Variants in RBFOX1 observed in about 807,000 individuals in gnomAD.
RBFOX1 encodes RNA binding protein fox-1 homolog 1.
Under a neutral mutation model 57.7 loss-of-function variants are expected in RBFOX1, and 8 were observed. That is an observed-to-expected ratio of 0.14 (90% CI 0.08 to 0.25). The LOEUF is 0.25. Ranked by LOEUF, RBFOX1 falls within the 10% of genes least tolerant of loss-of-function variation. The probability of loss-of-function intolerance (pLI) is 1.00; values close to 1 mark genes in which losing one functional copy is unlikely to be tolerated. For missense variants in RBFOX1, 611 were observed against 548.5 expected, an observed-to-expected ratio of 1.11 and a Z score of -1.14; for synonymous variants, 326 against 222.4, an observed-to-expected ratio of 1.47 and a Z score of -4.15.
At chr16:7,491,434 G>T (rs1379319963) in intron 4 of RBFOX1, among the ~76,000 whole-genome samples, 2 of 151,402 alleles carry the variant, frequency 1.3e-5, no homozygotes, top group Admixed American at 6.6e-5. Context: ...AGCAGCCTGG[G>T]AAGGCAGGAC....
chr16:7,198,470 A>G (rs1016872161), intron 4 of RBFOX1, among the ~76,000 whole-genome samples: 8 of 152,234 alleles, frequency 5.3e-5, no homozygotes, highest in African/African-American at 1.9e-4. Context: ...AAGAGATAAA[A>G]TCAAAAACAG....
intron 1 of RBFOX1, among the ~76,000 whole-genome samples, chr16:6,135,525 C>G (rs1320043754): frequency 3.9e-5 from 6 of 151,982 alleles, no homozygotes; most frequent in Non-Finnish European, 8.8e-5. Context: ...TCAACAGGGT[C>G]AGGTGTGAAT....
At chr16:6,116,158 C>G (rs1006625569) in intron 1 of RBFOX1, among the ~76,000 whole-genome samples, 2 of 151,834 alleles carry the variant, frequency 1.3e-5, no homozygotes, top group African/African-American at 4.8e-5. Context: ...TCTCAGCAAA[C>G]TAACACAGGA....
At chr16:7,023,586 A>AAAAAAAAAAAAAAAAG (rs2039976826) in intron 3 of RBFOX1, among the ~76,000 whole-genome samples, 2 of 149,508 alleles carry the variant, frequency 1.3e-5, no homozygotes, top group East Asian at 3.9e-4. Flanking sequence ...AAAAAAAAAA[A>AAAAAAAAAAAAAAAAG]AAAAAAAATT....
chr16:6,826,487 C>T (rs2092153847), intron 3 of RBFOX1, among the ~76,000 whole-genome samples: 1 of 152,168 alleles, frequency 6.6e-6, no homozygotes, highest in Admixed American at 6.5e-5. Flanking sequence ...TAACCTAGAA[C>T]AGTGCCTGGT....
At chr16:7,287,483 G>T (rs1288997196) in intron 4 of RBFOX1, among the ~76,000 whole-genome samples, 3 of 152,150 alleles carry the variant, frequency 2.0e-5, no homozygotes, top group Non-Finnish European at 4.4e-5. Context: ...ATCCTTGGTG[G>T]ACCAAGCCTG....
intron 4 of RBFOX1, among the ~76,000 whole-genome samples, chr16:7,123,915 G>A (rs1435359727): frequency 6.6e-6 from 1 of 152,164 alleles, no homozygotes; most frequent in Non-Finnish European, 1.5e-5. Context: ...GAAGAGAAAG[G>A]AGAGAGGGAA....
chr16:5,253,714 A>G (rs902383519), intron 1 of RBFOX1, among the ~76,000 whole-genome samples: 7 of 152,230 alleles, frequency 4.6e-5, no homozygotes, highest in African/African-American at 1.7e-4. Flanking sequence ...CAAGTCCTGT[A>G]TGAGGTGGGT....
chr16:7,155,698 C>CAAAAAA (rs1204208973), intron 4 of RBFOX1, among the ~76,000 whole-genome samples: 73 of 24,310 alleles, frequency 3.0e-3, no homozygotes, highest in African/African-American at 3.9e-3. Context: ...CTCCTCCCAC[C>CAAAAAA]AAAAAAAAAA....
chr16:6,215,164 G>A (rs193119713), intron 1 of RBFOX1, among the ~76,000 whole-genome samples: 2 of 139,430 alleles, frequency 1.4e-5, no homozygotes, highest in African/African-American at 2.7e-5. Flanking sequence ...GAGGGACAGT[G>A]AGAGAGGGAG....
At chr16:6,266,378 C>T (rs2074491792) in intron 1 of RBFOX1, among the ~76,000 whole-genome samples, 1 of 152,116 alleles carries the variant, frequency 6.6e-6, no homozygotes, top group South Asian at 2.1e-4. Context: ...TAAAACCTTC[C>T]AAGTCTCTAG....
chr16:6,213,359 T>A (rs1397299027), intron 1 of RBFOX1, among the ~76,000 whole-genome samples: 1 of 152,108 alleles, frequency 6.6e-6, no homozygotes, highest in Non-Finnish European at 1.5e-5. Flanking sequence ...TTTGGGGCCT[T>A]CAGTGGGTAA....
At chr16:5,975,870 G>T (rs1262737584) in intron 4 of RBFOX1, among the ~76,000 whole-genome samples, 1 of 152,186 alleles carries the variant, frequency 6.6e-6, no homozygotes, top group Non-Finnish European at 1.5e-5. Context: ...ATCTGGAAGG[G>T]TGCAGTGGCT....
intron 3 of RBFOX1, among the ~76,000 whole-genome samples, chr16:5,735,659 G>C (rs1036115605): frequency 6.6e-6 from 1 of 152,128 alleles, no homozygotes; most frequent in Admixed American, 6.5e-5. Flanking sequence ...CGCTTTGGGA[G>C]GCCAAAGTGG....
At chr16:7,098,950 T>A (rs538526053) in intron 4 of RBFOX1, among the ~76,000 whole-genome samples, 11 of 152,268 alleles carry the variant, frequency 7.2e-5, no homozygotes, top group Admixed American at 5.9e-4. Flanking sequence ...TCAACTGATA[T>A]TGAGCTGGTT....
At chr16:5,735,928 T>G (rs1056833204) in intron 3 of RBFOX1, among the ~76,000 whole-genome samples, 1 of 152,134 alleles carries the variant, frequency 6.6e-6, no homozygotes, top group South Asian at 2.1e-4. Flanking sequence ...TATGTTCATT[T>G]GACACATGTT....
At chr16:6,153,978 T>G (rs8062493) in intron 1 of RBFOX1, among the ~76,000 whole-genome samples, 1 of 152,022 alleles carries the variant, frequency 6.6e-6, no homozygotes, top group Non-Finnish European at 1.5e-5. Context: ...AACAACACAA[T>G]AAAACAAATG....
intron 1 of RBFOX1, among the ~76,000 whole-genome samples, chr16:5,444,637 T>C (rs1158112062): frequency 6.6e-6 from 1 of 152,058 alleles, no homozygotes; most frequent in Non-Finnish European, 1.5e-5. Flanking sequence ...CTGGAGCTAG[T>C]GGCATGGCTA....
intron 4 of RBFOX1, among the ~76,000 whole-genome samples, chr16:5,942,363 T>C (rs2059300238): frequency 6.6e-6 from 1 of 152,162 alleles, no homozygotes; most frequent in South Asian, 2.1e-4. Context: ...TGCTTCTGGG[T>C]GAGAGCTACA....
Sources: allele counts gnomAD v4.1 joint callset (sites outside exome capture counted in the v4.1 genomes callset), GRCh38; gene constraint gnomAD v4.1.1; transcripts MANE v1.5; gene names NCBI Gene and HGNC (gene_info 2026-07-23, HGNC 2026-07-21).